PRKAR1A: variants seen among roughly 807,000 people sequenced by gnomAD.
The protein encoded by PRKAR1A is protein kinase cAMP-dependent type I regulatory subunit alpha, also known as cAMP-dependent protein kinase type I-alpha regulatory subunit.
A neutral mutation model predicts 52.0 loss-of-function variants in PRKAR1A; 3 were observed. The observed-to-expected ratio is 0.06, with a 90% CI of 0.03 to 0.15. The LOEUF (loss-of-function observed/expected upper bound fraction) is 0.15. PRKAR1A is among the 10% of genes least tolerant of loss of function. The probability of loss-of-function intolerance (pLI) is 1.00; values close to 1 mark genes in which losing one functional copy is unlikely to be tolerated. For missense variants in PRKAR1A, 240 were observed against 477.4 expected, an observed-to-expected ratio of 0.50 and a Z score of 4.63; for synonymous variants, 188 against 168.4, an observed-to-expected ratio of 1.12 and a Z score of -0.90.
chr17:68,439,320 T>A, the PRKAR1A span, among the ~76,000 whole-genome samples: 1 of 152,198 alleles, frequency 6.6e-6, no homozygotes, highest in African/African-American at 2.4e-5. Context: ...TATTGATACA[T>A]GCTACAACAC....
the PRKAR1A span, among the ~76,000 whole-genome samples, chr17:68,451,619 G>T: frequency 6.6e-6 from 1 of 152,154 alleles, no homozygotes; most frequent in East Asian, 1.9e-4. Flanking sequence ...GATTTCAAAG[G>T]CGTGACTTCT....
the PRKAR1A span, among the ~76,000 whole-genome samples, chr17:68,467,423 G>T: frequency 6.6e-6 from 1 of 152,124 alleles, no homozygotes; most frequent in Non-Finnish European, 1.5e-5. Context: ...GCCAACACTT[G>T]TTATTTTCTG....
At chr17:68,438,047 G>A in the PRKAR1A span, among the ~76,000 whole-genome samples, 1 of 150,658 alleles carries the variant, frequency 6.6e-6, no homozygotes, top group Non-Finnish European at 1.5e-5. Flanking sequence ...CTTTAGGTCA[G>A]GCTGAAACAT....
At chr17:68,540,617 G>A (rs1350902924) in intron 11 of PRKAR1A, 1 of 628,216 alleles carries the variant, frequency 1.6e-6, no homozygotes, top group East Asian at 3.4e-5. Context: ...CCGTGGCAGG[G>A]TGAGATGCCT....
chr17:68,497,919 G>T, the PRKAR1A span, among the ~76,000 whole-genome samples: 1 of 152,106 alleles, frequency 6.6e-6, no homozygotes, highest in East Asian at 1.9e-4. Context: ...ATAATTAAGG[G>T]GAAAAACTTC....
intron 5 of PRKAR1A, 68 bp from the exon 6 acceptor site, chr17:68,524,844 T>C: frequency 7.9e-7 from 1 of 1,265,876 alleles, no homozygotes; most frequent in East Asian, 2.3e-5. Context: ...GTTTATTGTT[T>C]TGTAATAATT....
the PRKAR1A span, among the ~76,000 whole-genome samples, chr17:68,431,885 G>A: frequency 8.0e-6 from 1 of 125,690 alleles, no homozygotes; most frequent in African/African-American, 3.0e-5. Context: ...AATCCCCAGT[G>A]GAGGCGGGGC....
At chr17:68,457,713 A>G in the PRKAR1A span, among the ~76,000 whole-genome samples, 2 of 151,938 alleles carry the variant, frequency 1.3e-5, no homozygotes, top group African/African-American at 2.4e-5. Context: ...AGCCCAAGCC[A>G]CGGCTGGCGG....
chr17:68,542,873 TC>T, intron 11 of PRKAR1A: 1 of 1,302,224 alleles, frequency 7.7e-7, no homozygotes, highest in South Asian at 1.2e-5. Flanking sequence ...AGGGGTTTTG[TC>T]CCCCGGCCAG....
chr17:68,523,661 A>T, intron 3 of PRKAR1A, 64 bp from the exon 4 acceptor site: 2 of 1,250,748 alleles, frequency 1.6e-6, no homozygotes. Context: ...ATTGAAGCGC[A>T]GGTTGCAAAC....
chr17:68,457,024 T>C, the PRKAR1A span, among the ~76,000 whole-genome samples: 3 of 152,216 alleles, frequency 2.0e-5, no homozygotes, highest in East Asian at 3.8e-4. Context: ...CTTTGGTCAC[T>C]GGCTTTCCCA....
chr17:68,548,721 G>GTA (rs894002876), intron 11 of PRKAR1A, among the ~76,000 whole-genome samples: 3 of 132,956 alleles, frequency 2.3e-5, no homozygotes, highest in African/African-American at 5.9e-5. Context: ...AGCTATGCCT[G>GTA]TATATTTTTT....
At chr17:68,538,012 T>C (rs933878663), downstream of PRKAR1A, among the ~76,000 whole-genome samples, 13 of 152,352 alleles carry the variant, frequency 8.5e-5, 1 homozygote, top group East Asian at 1.7e-3. Context: ...ATATGCATTT[T>C]CTCTGACAAC....
the PRKAR1A span, among the ~76,000 whole-genome samples, chr17:68,497,321 A>G: frequency 6.6e-6 from 1 of 152,300 alleles, no homozygotes; most frequent in Admixed American, 6.5e-5. Context: ...CCTTATGGCC[A>G]CAAAGTCTAA....
chr17:68,480,556 T>C, the PRKAR1A span, among the ~76,000 whole-genome samples: 2 of 152,208 alleles, frequency 1.3e-5, no homozygotes, highest in Non-Finnish European at 2.9e-5. Context: ...CAAGCTTTTT[T>C]ACTTTTTTTG....
At chr17:68,441,405 A>G in the PRKAR1A span, among the ~76,000 whole-genome samples, 1 of 152,218 alleles carries the variant, frequency 6.6e-6, no homozygotes, top group East Asian at 1.9e-4. Context: ...TGTGCTGAAG[A>G]CAATTAGACG....
the PRKAR1A span, among the ~76,000 whole-genome samples, chr17:68,478,773 G>A: frequency 2.6e-5 from 4 of 151,076 alleles, no homozygotes; most frequent in Non-Finnish European, 5.9e-5. Context: ...TGTAGCCCAG[G>A]CTAGAGCACA....
the PRKAR1A span, among the ~76,000 whole-genome samples, chr17:68,494,428 G>T: frequency 9.2e-5 from 14 of 152,026 alleles, no homozygotes; most frequent in Non-Finnish European, 1.9e-4. Flanking sequence ...TGTAATTCCC[G>T]CTACTTGGGA....
chr17:68,495,814 G>A, the PRKAR1A span, among the ~76,000 whole-genome samples: 1 of 151,178 alleles, frequency 6.6e-6, no homozygotes, highest in African/African-American at 2.4e-5. Context: ...TAGGCTGAAA[G>A]CAAGATGTTG....
Sources: gnomAD v4.1 joint callset for allele counts (sites outside exome capture counted in the v4.1 genomes callset) on GRCh38, gnomAD v4.1.1 for gene constraint, MANE v1.5 for transcripts, NCBI Gene and HGNC (gene_info 2026-07-23, HGNC 2026-07-21) for gene names.